The following PPIL6 variants were observed in gnomAD, a reference collection of about 807,000 sequenced individuals.
PPIL6 encodes the protein probable inactive peptidyl-prolyl cis-trans isomerase-like 6.
In PPIL6, 39 loss-of-function variants were observed where a neutral mutation model predicts 36.8. That is an observed-to-expected ratio of 1.06 (90% confidence interval 0.82 to 1.38). The LOEUF (loss-of-function observed/expected upper bound fraction) is 1.38, where lower values mean the gene tolerates loss of function less well. Among genes scored for constraint, PPIL6 ranks in the 40% most tolerant of loss-of-function variants. PPIL6 has a pLI of 0.00. For missense variants in PPIL6, 368 were observed against 379.1 expected (o/e 0.97, Z 0.24); for synonymous variants, 123 against 134.1 (o/e 0.92, Z 0.57).
At chr6:109,421,667 G>C (rs1187849955) in intron 5 of PPIL6, among the ~76,000 whole-genome samples, 1 of 152,118 alleles carries the variant, frequency 6.6e-6, no homozygotes, top group Non-Finnish European at 1.5e-5. Flanking sequence ...TATGAATAGA[G>C]GAAATGCGGT....
rs1460320867 is a variant in PPIL6, at chr6:109,391,791, A to C, written c.*1035T>G. 2 of 152,316 alleles carry C rather than the reference A, an allele frequency of 1.3e-5. No homozygotes were observed. The highest frequency in any genetic ancestry group is 2.1e-4 in the South Asian group (1 of 4,826). The allele number at this position is 152,316 out of a possible 1,614,324, so 9.4% of individuals were successfully genotyped here. A position where few individuals can be genotyped will look rare whatever the true frequency, so the allele number is the denominator to read the frequency against. On this transcript the variant is annotated 3_prime_UTR_variant, in exon 8 of 8. Transcript: ENST00000521072. Reference sequence around the variant, plus strand: ...TTTTCATAGGGTTGGTATGGCTCAGAGAGATAAGGATGATGTTCATGTCAT... The same window carrying C: ...TTTTCATAGGGTTGGTATGGCTCAGCGAGATAAGGATGATGTTCATGTCAT...
At chr6:109,411,980 G>A (rs1213670725) in intron 6 of PPIL6, among the ~76,000 whole-genome samples, 1 of 152,140 alleles carries the variant, frequency 6.6e-6, no homozygotes, top group Non-Finnish European at 1.5e-5. Context: ...CCAGAGGTGG[G>A]GCTCAGATTG....
At chr6:109,422,189 A>T (rs9487098) in intron 5 of PPIL6, among the ~76,000 whole-genome samples, 69,093 of 152,014 alleles carry the variant, frequency 0.45, 16,966 homozygotes, top group African/African-American at 0.67. Flanking sequence ...AAAAATTTTT[A>T]AAAATTAGCT....
At chr6:109,416,858 C>T (rs1773286217) in intron 6 of PPIL6, among the ~76,000 whole-genome samples, 1 of 152,008 alleles carries the variant, frequency 6.6e-6, no homozygotes, top group African/African-American at 2.4e-5. Flanking sequence ...GCTGCATTTT[C>T]AATACAAGAC....
intron 5 of PPIL6, among the ~76,000 whole-genome samples, chr6:109,422,879 C>T (rs902022314): frequency 2.0e-5 from 3 of 152,164 alleles, no homozygotes; most frequent in Admixed American, 1.3e-4. Flanking sequence ...GAGTTATAAA[C>T]ATATTGTACT....
intron 3 of PPIL6, among the ~76,000 whole-genome samples, chr6:109,430,216 C>A (rs1774057477): frequency 6.6e-6 from 1 of 152,220 alleles, no homozygotes; most frequent in Admixed American, 6.5e-5. Flanking sequence ...TAGGCACAGG[C>A]CGCCATGGGC....
At chr6:109,420,332 C>CAAAAAAAAAAAAAAAAAAAAAA (rs564751735) in intron 5 of PPIL6, among the ~76,000 whole-genome samples, 1 of 50,952 alleles carries the variant, frequency 2.0e-5, no homozygotes, top group African/African-American at 6.5e-5. Context: ...GACTCCATCT[C>CAAAAAAAAAAAAAAAAAAAAAA]AAAAAAAAAA....
chr6:109,436,413 G>A (rs946873981), intron 1 of PPIL6, among the ~76,000 whole-genome samples: 2 of 152,026 alleles, frequency 1.3e-5, no homozygotes, highest in African/African-American at 4.8e-5. Flanking sequence ...TAAGTGCCTC[G>A]AAGCCAAGAA....
intron 5 of PPIL6, among the ~76,000 whole-genome samples, chr6:109,421,059 G>T (rs1340799374): frequency 1.4e-4 from 21 of 152,302 alleles, no homozygotes; most frequent in Admixed American, 1.1e-3. Context: ...GATCCTAGGG[G>T]TTGGTTCTCT....
chr6:109,392,606 G>A lies in PPIL6; in HGVS notation c.*220C>T, dbSNP rs753667223. 1.5e-5 allele frequency: 7 copies of A among 458,254 alleles called. No individual in the cohort carries two copies. The highest frequency in any genetic ancestry group is 3.6e-5 in the South Asian group (1 of 27,840). 28.4% of individuals were successfully genotyped at this position (458,254 alleles called of 1,614,324 possible). ...CCAGAACCATCTCTCATGGCCACCC[G>A]TGGCTGCAAAGGAGTCTAGGAAATT... On this transcript the variant is annotated 3_prime_UTR_variant, in exon 8 of 8. Transcript: ENST00000521072.
At chr6:109,410,638 C>G (rs1269283497) in intron 6 of PPIL6, among the ~76,000 whole-genome samples, 1 of 152,192 alleles carries the variant, frequency 6.6e-6, no homozygotes, top group Admixed American at 6.5e-5. Context: ...ATCTATATCT[C>G]TAGCGCACTA....
intron 6 of PPIL6, 104 bp downstream of exon 6, chr6:109,419,083 G>A: frequency 1.3e-6 from 1 of 775,746 alleles, no homozygotes; most frequent in South Asian, 1.6e-5. Flanking sequence ...TGTACTGTAA[G>A]TATTGCCCCC....
intron 5 of PPIL6, among the ~76,000 whole-genome samples, chr6:109,419,730 A>T (rs928391124): frequency 6.6e-6 from 1 of 152,196 alleles, no homozygotes; most frequent in East Asian, 1.9e-4. Flanking sequence ...TTTCAAAAAA[A>T]AAAACAAAAG....
chr6:109,430,048 C>T lies in PPIL6; in HGVS notation c.420+1109G>A, dbSNP rs9400282. Among the ~76,000 whole-genome samples, 862 of 152,298 alleles carry T rather than the reference C, an allele frequency of 5.7e-3. 16 individuals carry two copies. Among genetic ancestry groups the T allele is most frequent in the East Asian group, 0.032 (167 of 5,186 alleles). On this transcript the variant is annotated intron_variant, in intron 3 of 7. Transcript: ENST00000521072. ...TTGAACATTAAATGCCTCCCCACAC[C>T]CCAGAGTTTCTAGCATTGTCAAAGT... is the stretch of plus-strand genomic sequence containing the variant.
At chr6:109,399,861 T>C (rs996214773) in intron 7 of PPIL6, among the ~76,000 whole-genome samples, 174 bp downstream of exon 7, 12 of 152,256 alleles carry the variant, frequency 7.9e-5, no homozygotes, top group Admixed American at 2.0e-4. Flanking sequence ...TTTTTATAGA[T>C]AGCAAACTTC....
chr6:109,417,148 C>T (rs559380973), intron 6 of PPIL6, among the ~76,000 whole-genome samples: 7 of 142,006 alleles, frequency 4.9e-5, no homozygotes, highest in South Asian at 2.2e-4. Context: ...TTAGCCTGGA[C>T]GACAAAGTGA....
chr6:109,425,797 T>C (rs1203247608), intron 5 of PPIL6, among the ~76,000 whole-genome samples: 1 of 149,836 alleles, frequency 6.7e-6, no homozygotes, highest in Non-Finnish European at 1.5e-5. Flanking sequence ...GCCTAGCACA[T>C]GAGAGTCAAC....
At chr6:109,423,401 CT>C (rs966431721) in intron 5 of PPIL6, among the ~76,000 whole-genome samples, 5 of 149,098 alleles carry the variant, frequency 3.4e-5, no homozygotes, top group African/African-American at 7.4e-5. Context: ...TCAATAGGTA[CT>C]TTTTTTTTTC....
chr6:109,423,751 T>C (rs1365854404), intron 5 of PPIL6, among the ~76,000 whole-genome samples: 2 of 152,188 alleles, frequency 1.3e-5, no homozygotes, highest in East Asian at 1.9e-4. Flanking sequence ...CTGAAGGAAG[T>C]AGGCCTCGAG....
Sources: gnomAD v4.1 joint callset for allele counts (sites outside exome capture counted in the v4.1 genomes callset) on GRCh38, gnomAD v4.1.1 for gene constraint, MANE v1.5 for transcripts, NCBI Gene and HGNC (gene_info 2026-07-23, HGNC 2026-07-21) for gene names.